Variants in SYNDIG1 observed in about 807,000 individuals in gnomAD.
SYNDIG1 encodes synapse differentiation-inducing gene protein 1.
In SYNDIG1, 9 loss-of-function variants were observed where a neutral mutation model predicts 19.4. The ratio of observed to expected loss-of-function variants is 0.46; its 90% CI spans 0.28 to 0.81. The LOEUF (loss-of-function observed/expected upper bound fraction) is 0.81. SYNDIG1 is among the 30% of genes least tolerant of loss of function. SYNDIG1 has a pLI of 0.12. For synonymous variants in SYNDIG1, 141 were observed against 145.9 expected, an observed-to-expected ratio of 0.97 and a Z score of 0.24; for missense variants, 311 against 343.3, an observed-to-expected ratio of 0.91 and a Z score of 0.74.
chr20:24,470,336 C>T (rs2055389109), intron 1 of SYNDIG1, among the ~76,000 whole-genome samples: 1 of 152,186 alleles, frequency 6.6e-6, no homozygotes, highest in Admixed American at 6.5e-5. Flanking sequence ...TGCAAGCGCG[C>T]TTGGGATGGG....
chr20:24,643,210 A>G (rs1408749496), intron 3 of SYNDIG1, among the ~76,000 whole-genome samples: 2 of 152,188 alleles, frequency 1.3e-5, no homozygotes, highest in African/African-American at 4.8e-5. Flanking sequence ...CTACTCCAAC[A>G]ATGAGAAACC....
chr20:24,622,578 A>G (rs1001895271), intron 3 of SYNDIG1, among the ~76,000 whole-genome samples: 1 of 152,186 alleles, frequency 6.6e-6, no homozygotes, highest in African/African-American at 2.4e-5. Context: ...TGAACTGCAC[A>G]TGTGTGGAAT....
chr20:24,661,200 C>G (rs1217766165), intron 3 of SYNDIG1, among the ~76,000 whole-genome samples: 3 of 152,050 alleles, frequency 2.0e-5, no homozygotes, highest in Non-Finnish European at 4.4e-5. Context: ...CGGGGAGGTC[C>G]CCGTCACCAT....
At position 24,500,537 on chromosome 20, in the gene SYNDIG1, CT is replaced by C. The variant is rs1470958570; in HGVS notation, c.-79+30787del. On this transcript the variant is annotated intron_variant, in intron 1 of 3. Transcript: ENST00000376862. ...TTCTTTCTTTCTTTCTTTCTTCTTT[CT>C]TTCTTTCTTTCTTTTTTCTTTCTCT... Among the ~76,000 whole-genome samples, 5 of 143,800 alleles carry C rather than the reference CT, an allele frequency of 3.5e-5. No individual in the cohort carries two copies. In the South Asian group the frequency reaches 6.7e-4, roughly 19 times the overall value. The allele number at this position is 143,800 out of a possible 152,430, so 94.3% of individuals were successfully genotyped here.
At chr20:24,473,622 A>C (rs2055533971) in intron 1 of SYNDIG1, among the ~76,000 whole-genome samples, 1 of 152,104 alleles carries the variant, frequency 6.6e-6, no homozygotes, top group African/African-American at 2.4e-5. Flanking sequence ...GGAGGGACGC[A>C]CTGGGGAGAC....
intron 1 of SYNDIG1, among the ~76,000 whole-genome samples, chr20:24,474,052 G>A (rs2055548276): frequency 1.3e-5 from 2 of 152,216 alleles, no homozygotes; most frequent in Admixed American, 1.3e-4. Context: ...AATGTACCCA[G>A]GGTGTGTACA....
intron 1 of SYNDIG1, among the ~76,000 whole-genome samples, chr20:24,539,071 T>C (rs1356855377): frequency 6.6e-6 from 1 of 152,218 alleles, no homozygotes; most frequent in Non-Finnish European, 1.5e-5. Flanking sequence ...TCTGTTGATA[T>C]TGTCTATTGA....
chr20:24,605,201 C>A lies in SYNDIG1; in HGVS notation c.618+20208C>A, dbSNP rs6114799. Among the ~76,000 whole-genome samples, 46 of 152,246 alleles carry A rather than the reference C, an allele frequency of 3.0e-4. 1 individual carries two copies. In the East Asian group the frequency reaches 8.5e-3, roughly 28 times the overall value. The stretch of plus-strand genomic sequence containing the variant: ...GGACAGATGGGTGGGAAGGGTTTGC[C>A]GTGGGCCCACATCTACCTCCCTGGG... On this transcript the variant is annotated intron_variant, in intron 3 of 3. Transcript: ENST00000376862.
intron 2 of SYNDIG1, among the ~76,000 whole-genome samples, chr20:24,569,747 T>G (rs1373235408): frequency 6.6e-6 from 1 of 152,182 alleles, no homozygotes; most frequent in Admixed American, 6.5e-5. Flanking sequence ...CTGAAGTGTT[T>G]AGGGGGAGTG....
chr20:24,552,658 C>T (rs2057727798), intron 2 of SYNDIG1, among the ~76,000 whole-genome samples: 1 of 152,120 alleles, frequency 6.6e-6, no homozygotes, highest in South Asian at 2.1e-4. Flanking sequence ...TTTATGGCTG[C>T]ATAGTATTGC....
chr20:24,630,843 C>G (rs903231745), intron 3 of SYNDIG1, among the ~76,000 whole-genome samples: 4 of 152,238 alleles, frequency 2.6e-5, no homozygotes, highest in South Asian at 2.1e-4. Context: ...GAAGGTGACT[C>G]TGAAGCAGTT....
chr20:24,623,175 TC>T (rs1273551086), intron 3 of SYNDIG1, among the ~76,000 whole-genome samples: 1 of 84,196 alleles, frequency 1.2e-5, no homozygotes, highest in African/African-American at 4.1e-5. Context: ...CAAGACTCCG[TC>T]AAAAAAAAAA....
intron 1 of SYNDIG1, among the ~76,000 whole-genome samples, chr20:24,486,071 G>A (rs2146274905): frequency 6.6e-6 from 1 of 152,348 alleles, no homozygotes; most frequent in East Asian, 1.9e-4. Context: ...ATCCAGCAGT[G>A]GGTCCCCTAT....
intron 1 of SYNDIG1, among the ~76,000 whole-genome samples, chr20:24,489,209 T>C (rs2056065803): frequency 6.6e-6 from 1 of 151,612 alleles, no homozygotes; most frequent in African/African-American, 2.4e-5. Context: ...TGGACACAGA[T>C]AGATGCATGC....
At chr20:24,517,141 G>A (rs1244477844) in intron 1 of SYNDIG1, among the ~76,000 whole-genome samples, 1 of 151,924 alleles carries the variant, frequency 6.6e-6, no homozygotes, top group Non-Finnish European at 1.5e-5. Context: ...TCACACACTG[G>A]GGCCTGGTTT....
At chr20:24,616,792 G>C (rs1037285016) in intron 3 of SYNDIG1, among the ~76,000 whole-genome samples, 1 of 152,248 alleles carries the variant, frequency 6.6e-6, no homozygotes, top group Non-Finnish European at 1.5e-5. Flanking sequence ...CTGCTGCTGT[G>C]ATGCCCGGCT....
intron 1 of SYNDIG1, among the ~76,000 whole-genome samples, chr20:24,483,994 GGT>G (rs1205069065): frequency 6.6e-6 from 1 of 152,146 alleles, no homozygotes; most frequent in Non-Finnish European, 1.5e-5. Flanking sequence ...ATAGGGCAGA[GGT>G]CACAGAGGCC....
chr20:24,484,712 G>A (rs1248577590), intron 1 of SYNDIG1, among the ~76,000 whole-genome samples: 4 of 152,136 alleles, frequency 2.6e-5, no homozygotes, highest in Non-Finnish European at 5.9e-5. Context: ...ACACACAATA[G>A]GTCTTTAGGT....
At chr20:24,561,828 C>T (rs2146883567) in intron 2 of SYNDIG1, among the ~76,000 whole-genome samples, 2 of 152,346 alleles carry the variant, frequency 1.3e-5, no homozygotes, top group Middle Eastern at 6.8e-3. Context: ...GATGCCCACA[C>T]ATGGCTTGTG....
Sources: allele counts gnomAD v4.1 joint callset (sites outside exome capture counted in the v4.1 genomes callset), GRCh38; gene constraint gnomAD v4.1.1; transcripts MANE v1.5; gene names NCBI Gene and HGNC (gene_info 2026-07-23, HGNC 2026-07-21).